PHACTR1: variants seen among roughly 807,000 people sequenced by gnomAD.
PHACTR1 encodes the protein phosphatase and actin regulator 1.
PHACTR1 carries 16 observed loss-of-function variants against 69.2 expected under a neutral mutation model. The ratio of observed to expected loss-of-function variants is 0.23; its 90% CI spans 0.16 to 0.35. The LOEUF (loss-of-function observed/expected upper bound fraction) is 0.35, where lower values mean the gene tolerates loss of function less well. Ranked by LOEUF, PHACTR1 falls within the 10% of genes least tolerant of loss-of-function variation. The pLI is 1.00. For synonymous variants in PHACTR1, 312 were observed against 284.5 expected (o/e 1.10, Z -0.97); for missense variants, 510 against 734.7 (o/e 0.69, Z 3.54).
At chr6:12,768,017 A>G (rs1330830351) in intron 4 of PHACTR1, among the ~76,000 whole-genome samples, 1 of 152,006 alleles carries the variant, frequency 6.6e-6, no homozygotes, top group Non-Finnish European at 1.5e-5. Flanking sequence ...GTCAACTGGG[A>G]ATTAGAATTA....
intron 5 of PHACTR1, among the ~76,000 whole-genome samples, chr6:13,085,646 T>G (rs945971118): frequency 6.6e-6 from 1 of 152,012 alleles, no homozygotes; most frequent in Non-Finnish European, 1.5e-5. Flanking sequence ...AACTTATACC[T>G]CTCAAGAACT....
chr6:12,746,924 A>G (rs1394085418), intron 3 of PHACTR1, among the ~76,000 whole-genome samples: 1 of 152,220 alleles, frequency 6.6e-6, no homozygotes, highest in Non-Finnish European at 1.5e-5. Context: ...TTCATACAGT[A>G]TTTAGAATTG....
intron 5 of PHACTR1, among the ~76,000 whole-genome samples, chr6:13,158,665 G>C (rs996983238): frequency 6.6e-6 from 1 of 152,168 alleles, no homozygotes; most frequent in Non-Finnish European, 1.5e-5. Flanking sequence ...GAGATGTCCT[G>C]GTCCCACCCC....
chr6:12,830,793 A>G (rs189507983), intron 4 of PHACTR1, among the ~76,000 whole-genome samples: 1 of 151,620 alleles, frequency 6.6e-6, no homozygotes, highest in African/African-American at 2.4e-5. Flanking sequence ...ATGGGGTTTC[A>G]TCATGTTGGC....
chr6:13,284,378 G>C (rs550809840), intron 13 of PHACTR1, among the ~76,000 whole-genome samples: 1 of 151,398 alleles, frequency 6.6e-6, no homozygotes, highest in Non-Finnish European at 1.5e-5. Flanking sequence ...TTAGCCGGGC[G>C]TGATGGCACA....
At chr6:13,067,807 C>A (rs1413557240) in intron 5 of PHACTR1, among the ~76,000 whole-genome samples, 2 of 152,064 alleles carry the variant, frequency 1.3e-5, no homozygotes, top group Non-Finnish European at 2.9e-5. Context: ...AGATTTGGGG[C>A]TAGATAGGCA....
chr6:13,033,454 T>C (rs1324803024), intron 4 of PHACTR1, among the ~76,000 whole-genome samples: 3 of 152,168 alleles, frequency 2.0e-5, no homozygotes, highest in Non-Finnish European at 4.4e-5. Context: ...TATGGACAAG[T>C]TGTCTTATAT....
At chr6:13,098,446 A>C (rs768845220) in intron 5 of PHACTR1, among the ~76,000 whole-genome samples, 10 of 151,844 alleles carry the variant, frequency 6.6e-5, no homozygotes, top group Non-Finnish European at 1.0e-4. Context: ...TCTTTTGAGG[A>C]TTTTCATCAC....
intron 4 of PHACTR1, among the ~76,000 whole-genome samples, chr6:13,003,965 GTA>G (rs772804033): frequency 2.1e-5 from 2 of 96,298 alleles, no homozygotes; most frequent in Non-Finnish European, 1.9e-5. Context: ...ATATATATAT[GTA>G]TATATATATA....
chr6:13,020,658 G>A (rs968047554), intron 4 of PHACTR1, among the ~76,000 whole-genome samples: 1 of 152,246 alleles, frequency 6.6e-6, no homozygotes, highest in Admixed American at 6.5e-5. Flanking sequence ...CAAGAGGCCA[G>A]AGGAGGGCAT....
chr6:12,798,907 A>T, intron 4 of PHACTR1, among the ~76,000 whole-genome samples: 1 of 152,228 alleles, frequency 6.6e-6, no homozygotes, highest in East Asian at 1.9e-4. Context: ...CTTTCATTAT[A>T]GTTGATTGTT....
chr6:13,184,651 G>T (rs895026897), intron 7 of PHACTR1: 1 of 456,136 alleles, frequency 2.2e-6, no homozygotes, highest in Non-Finnish European at 3.9e-6. Context: ...TGGCCTCCTC[G>T]CTGTAGCTCT....
At chr6:12,779,216 T>A (rs1770493950) in intron 4 of PHACTR1, among the ~76,000 whole-genome samples, 3 of 152,094 alleles carry the variant, frequency 2.0e-5, no homozygotes, top group African/African-American at 7.2e-5. Context: ...ATGCCTGTAA[T>A]CCCAGCTACT....
At chr6:13,168,979 G>A (rs1760219808) in intron 6 of PHACTR1, among the ~76,000 whole-genome samples, 1 of 152,192 alleles carries the variant, frequency 6.6e-6, no homozygotes, top group African/African-American at 2.4e-5. Flanking sequence ...CAGGGAGACT[G>A]ACTTGCAAGG....
intron 8 of PHACTR1, among the ~76,000 whole-genome samples, chr6:13,225,858 A>G (rs1267627656): frequency 6.6e-6 from 1 of 152,194 alleles, no homozygotes; most frequent in Non-Finnish European, 1.5e-5. Context: ...GGCCTCTTCC[A>G]TCCTTACTTC....
chr6:12,819,569 T>G (rs1186777856), intron 4 of PHACTR1, among the ~76,000 whole-genome samples: 1 of 152,174 alleles, frequency 6.6e-6, no homozygotes, highest in African/African-American at 2.4e-5. Flanking sequence ...TGTGTCTCGA[T>G]TTTTTCTGCC....
chr6:13,168,742 A>C (rs918769493), intron 6 of PHACTR1, among the ~76,000 whole-genome samples: 3 of 152,184 alleles, frequency 2.0e-5, no homozygotes, highest in Non-Finnish European at 4.4e-5. Context: ...AGGAGGGGTA[A>C]GGGAATGTTA....
At chr6:13,278,579 C>A (rs375067107) in intron 12 of PHACTR1, among the ~76,000 whole-genome samples, 1 of 152,196 alleles carries the variant, frequency 6.6e-6, no homozygotes, top group Admixed American at 6.5e-5. Context: ...ATGGCTATTG[C>A]GTTGTATTTT....
intron 4 of PHACTR1, among the ~76,000 whole-genome samples, chr6:12,826,442 C>T (rs1459693359): frequency 6.6e-6 from 1 of 152,150 alleles, no homozygotes; most frequent in African/African-American, 2.4e-5. Context: ...CCAATGTTTT[C>T]CCTACTTCAA....
Sources: gnomAD v4.1 joint callset for allele counts (sites outside exome capture counted in the v4.1 genomes callset) on GRCh38, gnomAD v4.1.1 for gene constraint, MANE v1.5 for transcripts, NCBI Gene and HGNC (gene_info 2026-07-23, HGNC 2026-07-21) for gene names.